Variants in TMEM50A observed in about 807,000 individuals in gnomAD.
The protein encoded by TMEM50A is cervical cancer oncogene 9.
A neutral mutation model predicts 23.9 loss-of-function variants in TMEM50A; 8 were observed. That is an observed-to-expected ratio of 0.33 (90% CI 0.20 to 0.60). TMEM50A has a LOEUF of 0.60. Among genes scored for constraint, TMEM50A ranks in the 20% least tolerant of loss-of-function variants. TMEM50A has a pLI of 0.81. For synonymous variants in TMEM50A, 55 were observed against 60.4 expected, an observed-to-expected ratio of 0.91 and a Z score of 0.41; for missense variants, 178 against 192.7, an observed-to-expected ratio of 0.92 and a Z score of 0.45.
At chr1:25,351,213 G>T (rs1445928141) in intron 3 of TMEM50A, among the ~76,000 whole-genome samples, 4 of 150,886 alleles carry the variant, frequency 2.7e-5, no homozygotes, top group Non-Finnish European at 4.4e-5. Flanking sequence ...CCAGTCATAT[G>T]AACTCTTTAC....
intron 1 of TMEM50A, among the ~76,000 whole-genome samples, chr1:25,339,526 G>A (rs1645144724): frequency 6.6e-6 from 1 of 152,198 alleles, no homozygotes; most frequent in South Asian, 2.1e-4. Context: ...AATGATGTGG[G>A]TAGAGGTAAG....
chr1:25,351,508 C>CG, intron 3 of TMEM50A, 118 bp from the exon 4 acceptor site: 1 of 662,748 alleles, frequency 1.5e-6, no homozygotes, highest in Non-Finnish European at 2.2e-6. Context: ...GACCCTGTAT[C>CG]TTTAAAAAAA....
At position 25,360,878 on chromosome 1, in the gene TMEM50A, A is replaced by G. The variant is rs1017813583; in HGVS notation, c.*173A>G. The G allele has an allele frequency of 3.1e-5, 18 of 571,616 alleles. No homozygotes were observed. The highest frequency in any genetic ancestry group is 5.1e-5 in the Non-Finnish European group (17 of 333,006). The allele number at this position is 571,616 out of a possible 1,614,324, so 35.4% of individuals were successfully genotyped here. A position where few individuals can be genotyped will look rare whatever the true frequency, so the allele number is the denominator to read the frequency against. On this transcript the variant is annotated 3_prime_UTR_variant, in exon 7 of 7. Transcript: ENST00000374358. ...ACACCTAAACAACAACCAAAAATCT[A>G]TTGTGGTATGCACTTGATTAACTTA...
chr1:25,356,497 T>C (rs1645334812), intron 5 of TMEM50A, among the ~76,000 whole-genome samples: 1 of 152,210 alleles, frequency 6.6e-6, no homozygotes. Context: ...GTATATTCTC[T>C]AGTTCCATGA....
chr1:25,354,537 G>A (rs111541730), intron 5 of TMEM50A, among the ~76,000 whole-genome samples: 1,694 of 152,088 alleles, frequency 0.011, 35 homozygotes, highest in African/African-American at 0.039. Flanking sequence ...ACCTGAGCCC[G>A]GGAGGCAGAG....
In TMEM50A at chr1:25,354,689, CCTT is replaced by C. The variant is rs1422316764; in HGVS notation, c.367+1716_367+1718del. 3.3e-5 allele frequency among the ~76,000 whole-genome samples: 5 copies of C among 152,194 alleles called. No homozygotes were observed. In the East Asian group the frequency reaches 9.7e-4, roughly 29 times the overall value. On this transcript the variant is annotated intron_variant, in intron 5 of 6. Transcript: ENST00000374358. ...CACTCTTCAATATTTTGGTTTATTT[CCTT>C]TTTTCTTATGTTTTTAGTTATTATC...
chr1:25,350,483 G>A (rs1020350525), intron 3 of TMEM50A, among the ~76,000 whole-genome samples: 2 of 152,020 alleles, frequency 1.3e-5, no homozygotes, highest in Non-Finnish European at 2.9e-5. Flanking sequence ...CTGTTTCCCG[G>A]GTTCAAGCAA....
chr1:25,352,779 C>T, intron 4 of TMEM50A, 103 bp from the exon 5 acceptor site: 3 of 955,304 alleles, frequency 3.1e-6, no homozygotes, highest in Non-Finnish European at 4.7e-6. Context: ...ACTTTAATGG[C>T]AGTTGCACTT....
In TMEM50A at chr1:25,354,823, G is replaced by A. The variant is rs552465241; in HGVS notation, c.367+1849G>A. Among the ~76,000 whole-genome samples, 19 of 152,172 alleles carry A rather than the reference G, an allele frequency of 1.2e-4. No individual in the cohort carries two copies. In the South Asian group the frequency reaches 3.9e-3, roughly 32 times the overall value. On this transcript the variant is annotated intron_variant, in intron 5 of 6. Coordinates refer to ENST00000374358, the MANE Select transcript of TMEM50A (RefSeq NM_014313.4). ...ATGTATATTTGTTGCCCAGGCTGGA[G>A]TGCAGTGATGCGATCTCAGCTCACT... is the stretch of plus-strand genomic sequence containing the variant.
chr1:25,358,661 A>G (rs986127510), intron 6 of TMEM50A, among the ~76,000 whole-genome samples: 2 of 152,220 alleles, frequency 1.3e-5, no homozygotes, highest in Admixed American at 6.5e-5. Flanking sequence ...TATACCTTGT[A>G]TCCTGTAAGC....
intron 3 of TMEM50A, among the ~76,000 whole-genome samples, chr1:25,344,666 C>T (rs1191078035): frequency 6.6e-6 from 1 of 151,772 alleles, no homozygotes; most frequent in Non-Finnish European, 1.5e-5. Context: ...AGGTGTGAGC[C>T]ACTGTGCCCG....
chr1:25,353,758 C>A (rs889691497), intron 5 of TMEM50A, among the ~76,000 whole-genome samples: 22 of 152,204 alleles, frequency 1.4e-4, no homozygotes, highest in Admixed American at 1.2e-3. Flanking sequence ...AAACAGAAAA[C>A]CCATTTAATG....
chr1:25,357,528 A>AGTGTGTGTGTGTGTGT (rs58801158), intron 6 of TMEM50A, among the ~76,000 whole-genome samples: 23 of 139,564 alleles, frequency 1.6e-4, no homozygotes, highest in African/African-American at 6.2e-4. Flanking sequence ...CTGCATCAGG[A>AGTGTGTGTGTGTGTGT]GTGTGTGTGT....
Position 25,356,867 on chromosome 1 carries a change from G to A in TMEM50A, c.428+14G>A. Reference sequence around the variant, plus strand: ...CATCTTTTTTGGGTAAGTTTGTTTTGCATTCTTTATGTTTGTTTGTTTTTT... The same window carrying A: ...CATCTTTTTTGGGTAAGTTTGTTTTACATTCTTTATGTTTGTTTGTTTTTT... On this transcript the variant is annotated intron_variant, in intron 6 of 6. Transcript: ENST00000374358. 1.3e-6 allele frequency: 2 copies of A among 1,569,626 alleles called. No individual in the cohort carries two copies. The highest frequency in any genetic ancestry group is 2.3e-5 in the East Asian group (1 of 43,814).
chr1:25,362,201 G>A lies in TMEM50A; in HGVS notation c.*1496G>A, dbSNP rs2124272678. On this transcript the variant is annotated 3_prime_UTR_variant, in exon 7 of 7. Transcript: ENST00000374358. ...TTGCTGATGTAGACAAGAGTTAACTGAGTAGCATGCTTTATTAAGCATGAG... is the reference window on the plus strand; with the variant it reads ...TTGCTGATGTAGACAAGAGTTAACTAAGTAGCATGCTTTATTAAGCATGAG... 1 of 509,618 alleles carries A rather than the reference G, an allele frequency of 2.0e-6. No homozygotes were observed. The highest frequency in any genetic ancestry group is 3.6e-5 in the East Asian group (1 of 27,806). The allele number at this position is 509,618 out of a possible 1,614,324, so 31.6% of individuals were successfully genotyped here.
intron 3 of TMEM50A, among the ~76,000 whole-genome samples, chr1:25,349,848 C>T (rs1645258694): frequency 6.6e-6 from 1 of 152,242 alleles, no homozygotes; most frequent in South Asian, 2.1e-4. Flanking sequence ...GACAATGGCT[C>T]CTGTCCTCAT....
intron 2 of TMEM50A, among the ~76,000 whole-genome samples, chr1:25,341,604 C>G (rs1645169362): frequency 6.6e-6 from 1 of 152,126 alleles, no homozygotes; most frequent in Admixed American, 6.6e-5. Flanking sequence ...GTCTTGAACT[C>G]CCGACCTCAG....
chr1:25,360,342 C>CT lies in TMEM50A; in HGVS notation c.429-317dup, dbSNP rs1170516844. 6.2e-5 allele frequency among the ~76,000 whole-genome samples: 9 copies of CT among 144,140 alleles called. 1 individual carries two copies. Among genetic ancestry groups the CT allele is most frequent in the African/African-American group, 2.4e-4 (9 of 37,068 alleles). The allele number at this position is 144,140 out of a possible 152,430, so 94.6% of individuals were successfully genotyped here. A position where few individuals can be genotyped will look rare whatever the true frequency, so the allele number is the denominator to read the frequency against. On this transcript the variant is annotated intron_variant, in intron 6 of 6. Transcript: ENST00000374358. Reference sequence around the variant, plus strand: ...CCAGCCTGGGCGACAGAGCAAGACTCTGTCTCAAAAAAAAAAAAAAAAATC... The same window carrying CT: ...CCAGCCTGGGCGACAGAGCAAGACTCTTGTCTCAAAAAAAAAAAAAAAAATC...
rs147456847 is a variant in TMEM50A at position 25,340,533 on chromosome 1, G to A, written c.47G>A (p.Trp16Ter). The A allele has an allele frequency of 3.1e-6, 5 of 1,613,364 alleles. No homozygotes were observed. The South Asian group carries it at 4.4e-5, about 14-fold the overall frequency. The change falls in exon 2 of 7, where the codon TGG becomes TAG. Residue 16 changes from tryptophan (W) to a stop codon, truncating the protein, a stop_gained. Transcript: ENST00000374358. LOFTEE classifies it high-confidence loss of function. ...TTGAGATGCTCAGAATGCATTGACT[G>A]GGGGGAAAAGCGCAATACTATTGCT... ...EGLRCSECID[W>*]GEKRNTIASI...
Sources: gnomAD v4.1 joint callset for allele counts (sites outside exome capture counted in the v4.1 genomes callset) on GRCh38, gnomAD v4.1.1 for gene constraint, MANE v1.5 for transcripts, NCBI Gene and HGNC (gene_info 2026-07-23, HGNC 2026-07-21) for gene names.